DICER1: variants seen among roughly 807,000 people sequenced by gnomAD.
DICER1 encodes endoribonuclease Dicer.
DICER1 carries 43 observed loss-of-function variants against 194.1 expected under a neutral mutation model. That is an observed-to-expected ratio of 0.22 (90% CI 0.17 to 0.29). The LOEUF (loss-of-function observed/expected upper bound fraction) is 0.29. Among genes scored for constraint, DICER1 ranks in the 10% least tolerant of loss-of-function variants. The probability of loss-of-function intolerance (pLI) is 1.00; values close to 1 mark genes in which losing one functional copy is unlikely to be tolerated. For missense variants in DICER1, 1,608 were observed against 2,317.0 expected (o/e 0.69, Z 6.28); for synonymous variants, 832 against 820.5 (o/e 1.01, Z -0.24).
chr14:95,111,938 A>G (rs757619856), intron 13 of DICER1, among the ~76,000 whole-genome samples: 5 of 152,248 alleles, frequency 3.3e-5, no homozygotes, highest in Non-Finnish European at 7.3e-5. Context: ...GTCATTAAAG[A>G]GAGCAAATAA....
intron 21 of DICER1, 129 bp downstream of exon 21, chr14:95,103,217 G>T: frequency 9.8e-7 from 1 of 1,024,498 alleles, no homozygotes; most frequent in Non-Finnish European, 1.5e-6. Context: ...CAAGGGAGCA[G>T]CTGTGCTTGG....
chr14:95,094,969 C>T (rs1458060822), intron 23 of DICER1, among the ~76,000 whole-genome samples: 4 of 152,136 alleles, frequency 2.6e-5, no homozygotes, highest in Admixed American at 2.0e-4. Context: ...AGAATGTAGT[C>T]GAAAGCCACG....
chr14:95,156,937 C>T (rs576018595), intron 1 of DICER1, among the ~76,000 whole-genome samples: 170 of 152,286 alleles, frequency 1.1e-3, no homozygotes, highest in African/African-American at 3.9e-3. Context: ...CAGGCGCCGG[C>T]ATCCCCCACC....
rs199737359 is a variant in DICER1, at chr14:95,130,169, G to T, written c.462C>A (p.Val154=). The T allele has an allele frequency of 6.2e-7, 1 of 1,612,780 alleles. No individual in the cohort carries two copies. Among genetic ancestry groups the T allele is most frequent in the South Asian group, 1.1e-5 (1 of 91,016 alleles). The change falls in exon 5 of 27, where the codon GTC becomes GTA. Residue 154 remains valine, a synonymous_variant. Coordinates refer to ENST00000343455, the MANE Select transcript of DICER1 (RefSeq NM_177438.3). ...AACCATTTTTCAAAACATTCAAGGC[G>T]ACATAGCAAGTCATAATGAGAACCT... The part of the protein sequence containing the change: ...KHQVLIMTCY[V]ALNVLKNGYL...
At chr14:95,098,711 A>G (rs936881596) in intron 22 of DICER1, among the ~76,000 whole-genome samples, 3 of 152,186 alleles carry the variant, frequency 2.0e-5, no homozygotes, top group Non-Finnish European at 2.9e-5. Context: ...AAATCTATAC[A>G]TTTTCCTCTA....
chr14:95,129,447 A>G, intron 6 of DICER1, 25 bp downstream of exon 6: 1 of 1,610,734 alleles, frequency 6.2e-7, no homozygotes. Flanking sequence ...ATCTCATTAA[A>G]GCTGAGTCAA....
At chr14:95,114,056 T>C (rs1892219992) in intron 11 of DICER1, among the ~76,000 whole-genome samples, 1 of 152,194 alleles carries the variant, frequency 6.6e-6, no homozygotes, top group Admixed American at 6.5e-5. Flanking sequence ...AGATAGACAC[T>C]GAAACAAATA....
intron 1 of DICER1, among the ~76,000 whole-genome samples, chr14:95,142,442 C>T (rs1348181898): frequency 6.6e-6 from 1 of 152,198 alleles, no homozygotes; most frequent in Admixed American, 6.5e-5. Context: ...CCAACATGTC[C>T]TGCTGTGTCA....
intron 6 of DICER1, 80 bp from the exon 7 acceptor site, chr14:95,126,828 A>AAC (rs1334348705): frequency 2.5e-6 from 2 of 814,816 alleles, no homozygotes; most frequent in African/African-American, 3.6e-5. Context: ...AAAGCAAAAA[A>AAC]AAAAAAAAGG....
chr14:95,095,137 G>A (rs1290497893), intron 23 of DICER1, among the ~76,000 whole-genome samples: 1 of 152,048 alleles, frequency 6.6e-6, no homozygotes, highest in Non-Finnish European at 1.5e-5. Flanking sequence ...ACTTTGCTTT[G>A]GTGTTCTGAA....
intron 8 of DICER1, among the ~76,000 whole-genome samples, chr14:95,121,041 CCT>C (rs1050240617): frequency 9.2e-5 from 14 of 152,108 alleles, no homozygotes; most frequent in African/African-American, 3.4e-4. Context: ...ATGAGAGCCC[CCT>C]GATATAATGT....
At chr14:95,121,894 A>T (rs1487149734) in intron 8 of DICER1, among the ~76,000 whole-genome samples, 2 of 152,022 alleles carry the variant, frequency 1.3e-5, no homozygotes, top group Non-Finnish European at 2.9e-5. Context: ...GCTGTGATTT[A>T]TTTTTTTTAA....
At chr14:95,127,717 G>C (rs1893597451) in intron 6 of DICER1, among the ~76,000 whole-genome samples, 1 of 152,220 alleles carries the variant, frequency 6.6e-6, no homozygotes, top group African/African-American at 2.4e-5. Flanking sequence ...GATTAGGGTT[G>C]CTCAATCTGT....
chr14:95,148,463 A>G (rs1895288441), intron 1 of DICER1, among the ~76,000 whole-genome samples: 1 of 152,220 alleles, frequency 6.6e-6, no homozygotes, highest in African/African-American at 2.4e-5. Flanking sequence ...GACCAAATAT[A>G]TATTTTACAG....
chr14:95,117,475 C>A lies in DICER1; in HGVS notation c.1509+147G>T, dbSNP rs548962436. 13 of 836,902 alleles carry A rather than the reference C, an allele frequency of 1.6e-5. No individual in the cohort carries two copies. In the African/African-American group the frequency reaches 2.1e-4, roughly 13 times the overall value. The allele number at this position is 836,902 out of a possible 1,614,324, so 51.8% of individuals were successfully genotyped here. A position where few individuals can be genotyped will look rare whatever the true frequency, so the allele number is the denominator to read the frequency against. On this transcript the variant is annotated intron_variant, in intron 9 of 26. Coordinates refer to ENST00000343455, the MANE Select transcript of DICER1 (RefSeq NM_177438.3). The stretch of plus-strand genomic sequence containing the variant: ...TCACTCTACAGCTACCTCATGGGGA[C>A]AGCTGGTCTAATATATGAAGAAGTA...
chr14:95,089,504 C>G lies in DICER1; in HGVS notation c.*994G>C. On this transcript the variant is annotated 3_prime_UTR_variant, in exon 27 of 27. Transcript: ENST00000343455. ...ATGTCTAAGGTTTATTTTGTTAGAG[C>G]AACAGCCTAGAAGGCAAAATTATTT... The G allele has an allele frequency of 4.3e-6, 1 of 232,206 alleles. No homozygotes were observed. Among genetic ancestry groups the G allele is most frequent in the Admixed American group, 5.6e-5 (1 of 17,770 alleles). 14.4% of individuals were successfully genotyped at this position (232,206 alleles called of 1,614,324 possible).
At chr14:95,147,646 C>A (rs1444489380) in intron 1 of DICER1, among the ~76,000 whole-genome samples, 1 of 152,202 alleles carries the variant, frequency 6.6e-6, no homozygotes, top group Non-Finnish European at 1.5e-5. Context: ...CAGCGGACAC[C>A]AGCTGGGTGT....
chr14:95,107,572 T>C, intron 17 of DICER1, 36 bp downstream of exon 17: 21 of 1,610,630 alleles, frequency 1.3e-5, no homozygotes, highest in Non-Finnish European at 1.6e-5. Flanking sequence ...TAAAACAAAG[T>C]ATCACCACCA....
chr14:95,113,301 G>C (rs57681406), intron 11 of DICER1, 77 bp from the exon 12 acceptor site: 97 of 1,383,522 alleles, frequency 7.0e-5, no homozygotes, highest in Middle Eastern at 1.8e-4. Context: ...AGTTTGATTT[G>C]TCATGTGCCT....
Sources: gnomAD v4.1 joint callset for allele counts (sites outside exome capture counted in the v4.1 genomes callset) on GRCh38, gnomAD v4.1.1 for gene constraint, MANE v1.5 for transcripts, NCBI Gene and HGNC (gene_info 2026-07-23, HGNC 2026-07-21) for gene names.